The following TNFSF11 variants were observed in gnomAD, a reference collection of about 807,000 sequenced individuals.
TNFSF11 encodes the protein TNF superfamily member 11, also known as tumor necrosis factor ligand superfamily member 11.
TNFSF11 carries 12 observed loss-of-function variants against 32.2 expected under a neutral mutation model. The ratio of observed to expected loss-of-function variants is 0.37; its 90% CI spans 0.24 to 0.60. The LOEUF (loss-of-function observed/expected upper bound fraction) is 0.60, where lower values mean the gene tolerates loss of function less well. Among genes scored for constraint, TNFSF11 ranks in the 20% least tolerant of loss-of-function variants. TNFSF11 has a pLI of 0.66. For missense variants in TNFSF11, 345 were observed against 398.0 expected (o/e 0.87, Z 1.13); for synonymous variants, 172 against 152.1 (o/e 1.13, Z -0.96).
intron 4 of TNFSF11, among the ~76,000 whole-genome samples, chr13:42,602,529 G>A (rs547506220): frequency 6.6e-6 from 1 of 152,260 alleles, no homozygotes; most frequent in South Asian, 2.1e-4. Context: ...CAATTCTTTG[G>A]CTTTTAGAGG....
rs751108604 is a variant in TNFSF11 at position 42,606,816 on chromosome 13, G to T, written c.852G>T (p.Arg284=). ...SINVGGFFKL[R]SGEEISIEVS... ...ACGTTGGTGGATTTTTTAAGTTACG[G>T]TCTGGAGAGGAAATCAGCATCGAGG... The change falls in exon 5 of 5, where the codon CGG becomes CGT. Residue 284 remains arginine (R), a synonymous_variant. Transcript: ENST00000398795. 6.2e-7 allele frequency: 1 copy of T among 1,613,658 alleles called. No individual in the cohort carries two copies. The highest frequency in any genetic ancestry group is 2.2e-5 in the East Asian group (1 of 44,880).
chr13:42,579,257 A>G (rs1469206226), intron 1 of TNFSF11, among the ~76,000 whole-genome samples: 1 of 151,950 alleles, frequency 6.6e-6, no homozygotes, highest in Non-Finnish European at 1.5e-5. Flanking sequence ...GAAATTAGCC[A>G]ATTAGCCAAG....
At chr13:42,598,286 A>T (rs1411322203) in intron 2 of TNFSF11, among the ~76,000 whole-genome samples, 2 of 152,188 alleles carry the variant, frequency 1.3e-5, no homozygotes, top group Non-Finnish European at 2.9e-5. Flanking sequence ...CTAGAGGGAA[A>T]ATGAGGGGTA....
chr13:42,586,732 C>A (rs1873919267), intron 2 of TNFSF11, among the ~76,000 whole-genome samples: 2 of 152,210 alleles, frequency 1.3e-5, no homozygotes, highest in African/African-American at 4.8e-5. Context: ...ATATCCTCAA[C>A]AAACCATTCC....
chr13:42,575,954 G>A (rs1233288413), intron 1 of TNFSF11, among the ~76,000 whole-genome samples: 2 of 152,210 alleles, frequency 1.3e-5, no homozygotes, highest in South Asian at 2.1e-4. Context: ...GAGTGCCAGC[G>A]TTGTGCGTGG....
upstream of TNFSF11, among the ~76,000 whole-genome samples, chr13:42,572,344 A>T (rs1873099125): frequency 6.6e-6 from 1 of 152,238 alleles, no homozygotes; most frequent in Non-Finnish European, 1.5e-5. Context: ...ACCCATTAAA[A>T]AGAATGGAAG....
Position 42,607,140 on chromosome 13 carries a change from TA to T in TNFSF11, c.*224del, listed in dbSNP as rs1211259815. On this transcript the variant is annotated 3_prime_UTR_variant, in exon 5 of 5. Coordinates refer to ENST00000398795, the MANE Select transcript of TNFSF11 (RefSeq NM_003701.4). ...GTTACACAATGGTTTTTAAATTTTG[TA>T]ATGAATTCCTAGAATTAAACCAGAT... The T allele has an allele frequency of 6.1e-5, 34 of 559,022 alleles. No homozygotes were observed. The highest frequency in any genetic ancestry group is 8.0e-5 in the Non-Finnish European group (26 of 326,642). The allele number at this position is 559,022 out of a possible 1,614,324, so 34.6% of individuals were successfully genotyped here. A position where few individuals can be genotyped will look rare whatever the true frequency, so the allele number is the denominator to read the frequency against.
rs1034688033 is a variant in TNFSF11, at chr13:42,581,394, C to T, written c.387+101C>T. On this transcript the variant is annotated intron_variant, in intron 2 of 4. Coordinates refer to ENST00000398795, the MANE Select transcript of TNFSF11 (RefSeq NM_003701.4). ...TGCTGTTGACTCTGCTCTTTTTATT[C>T]TAATAATTTGTAAAAGAGCTACAGG... 16 of 1,317,542 alleles carry T rather than the reference C, an allele frequency of 1.2e-5. No homozygotes were observed. The African/African-American group carries it at 2.1e-4, about 17-fold the overall frequency. 81.6% of individuals were successfully genotyped at this position (1,317,542 alleles called of 1,614,324 possible).
intron 4 of TNFSF11, among the ~76,000 whole-genome samples, chr13:42,604,258 A>G (rs1049762036): frequency 2.0e-5 from 3 of 152,206 alleles, no homozygotes; most frequent in African/African-American, 2.4e-5. Context: ...GATTTTGTCA[A>G]TGGATTAGAG....
At chr13:42,569,994 C>T (rs1456579297), upstream of TNFSF11, among the ~76,000 whole-genome samples, 1 of 151,844 alleles carries the variant, frequency 6.6e-6, no homozygotes, top group Non-Finnish European at 1.5e-5. Flanking sequence ...ATTATATTAA[C>T]ATTATGTTAA....
rs7999048 is a variant in TNFSF11, at chr13:42,577,693, G to A, written c.219+3171G>A. Among the ~76,000 whole-genome samples, 1,317 of 152,138 alleles carry A rather than the reference G, an allele frequency of 8.7e-3. 15 individuals carry two copies. The highest frequency in any genetic ancestry group is 0.03 in the African/African-American group (1,231 of 41,484). On this transcript the variant is annotated intron_variant, in intron 1 of 4. Transcript: ENST00000398795. ...CAATATGCACAAACCAACCTCCCTG[G>A]TTGTTTGTTACCCAGGACAGCAGTC...
intron 2 of TNFSF11, among the ~76,000 whole-genome samples, chr13:42,592,918 C>CA (rs35204744): frequency 1.6e-4 from 24 of 152,170 alleles, no homozygotes; most frequent in Non-Finnish European, 3.1e-4. Flanking sequence ...TGCCTTCCAC[C>CA]AAGACTGTAG....
chr13:42,572,477 AGAATGAGGAAGAAGAG>A (rs1423848432), upstream of TNFSF11, among the ~76,000 whole-genome samples: 1 of 152,104 alleles, frequency 6.6e-6, no homozygotes. Context: ...GAGCAGGGAG[AGAATGAGGAAGAAGAG>A]GAGGAGGAGG....
chr13:42,571,813 G>A (rs1284863246), upstream of TNFSF11: 4 of 152,216 alleles, frequency 2.6e-5, no homozygotes, highest in African/African-American at 9.7e-5. Context: ...CAGGGGGCAA[G>A]TGTGATTCAT....
At chr13:42,600,069 A>G (rs551879630) in intron 2 of TNFSF11, among the ~76,000 whole-genome samples, 3 of 152,310 alleles carry the variant, frequency 2.0e-5, no homozygotes, top group African/African-American at 7.2e-5. Context: ...ACAGGTGGGC[A>G]TGTGGTTACC....
intron 2 of TNFSF11, among the ~76,000 whole-genome samples, chr13:42,594,785 A>T (rs1406638282): frequency 6.6e-6 from 1 of 152,248 alleles, no homozygotes; most frequent in African/African-American, 2.4e-5. Context: ...AAGTCTGCAC[A>T]GCCAGGCTCC....
chr13:42,599,746 T>G (rs1254164482), intron 2 of TNFSF11, among the ~76,000 whole-genome samples: 1 of 152,124 alleles, frequency 6.6e-6, no homozygotes, highest in Non-Finnish European at 1.5e-5. Context: ...ATTTTTGTAT[T>G]TTTAGTAGAT....
chr13:42,570,057 A>T (rs1336921922), upstream of TNFSF11, among the ~76,000 whole-genome samples: 1 of 152,196 alleles, frequency 6.6e-6, no homozygotes, highest in African/African-American at 2.4e-5. Context: ...CCAAATATTT[A>T]TAAATATAAC....
chr13:42,595,764 G>T (rs1868772989), intron 2 of TNFSF11, among the ~76,000 whole-genome samples: 2 of 152,184 alleles, frequency 1.3e-5, no homozygotes, highest in African/African-American at 4.8e-5. Flanking sequence ...TTTTTTAAAA[G>T]ATCTCTTTCA....
Sources: gnomAD v4.1 joint callset for allele counts (sites outside exome capture counted in the v4.1 genomes callset) on GRCh38, gnomAD v4.1.1 for gene constraint, MANE v1.5 for transcripts, NCBI Gene and HGNC (gene_info 2026-07-23, HGNC 2026-07-21) for gene names.